TMEM132C: variants seen among roughly 807,000 people sequenced by gnomAD.
TMEM132C encodes the protein transmembrane protein 132C.
TMEM132C carries 29 observed loss-of-function variants against 61.4 expected under a neutral mutation model. The observed-to-expected ratio is 0.47, with a 90% CI of 0.35 to 0.64. The LOEUF (loss-of-function observed/expected upper bound fraction) is 0.64, where lower values mean the gene tolerates loss of function less well. Ranked by LOEUF, TMEM132C falls within the 30% of genes least tolerant of loss-of-function variation. The pLI is 0.00. For synonymous variants in TMEM132C, 656 were observed against 633.1 expected, an observed-to-expected ratio of 1.04 and a Z score of -0.54; for missense variants, 1,408 against 1,476.9, an observed-to-expected ratio of 0.95 and a Z score of 0.76.
chr12:128,557,461 C>G (rs983746892), intron 3 of TMEM132C, among the ~76,000 whole-genome samples: 1 of 152,236 alleles, frequency 6.6e-6, no homozygotes, highest in Non-Finnish European at 1.5e-5. Flanking sequence ...ACTCTGGCCT[C>G]TGACATAAAG....
At chr12:128,384,783 G>T (rs1485789418) in intron 1 of TMEM132C, among the ~76,000 whole-genome samples, 1 of 152,188 alleles carries the variant, frequency 6.6e-6, no homozygotes, top group Non-Finnish European at 1.5e-5. Context: ...TTAGTGAGGG[G>T]ACTTTACCTT....
rs1872876432 is a variant in TMEM132C, at chr12:128,339,117, G to C, written c.85+71630G>C. 3.9e-5 allele frequency among the ~76,000 whole-genome samples: 6 copies of C among 152,220 alleles called. No individual in the cohort carries two copies. In the South Asian group the frequency reaches 1.2e-3, roughly 32 times the overall value. ...TGCTGATTTTCTGAGCCTTGTTAGA[G>C]TGGGCGTCTGTGTTGGGGGCTGGGG... On this transcript the variant is annotated intron_variant, in intron 1 of 8. Coordinates refer to ENST00000435159, the MANE Select transcript of TMEM132C (RefSeq NM_001136103.3).
chr12:128,413,542 T>C (rs1414123493), intron 1 of TMEM132C, among the ~76,000 whole-genome samples: 3 of 151,876 alleles, frequency 2.0e-5, no homozygotes, highest in Admixed American at 6.6e-5. Context: ...TTATACTTGG[T>C]AATTTTTGTC....
intron 4 of TMEM132C, among the ~76,000 whole-genome samples, chr12:128,665,949 GCACACA>G (rs904729277): frequency 1.0e-5 from 1 of 98,758 alleles, no homozygotes; most frequent in Admixed American, 1.1e-4. Context: ...ACAAACACAG[GCACACA>G]CACACACACG....
chr12:128,290,290 T>C (rs1473360698), intron 1 of TMEM132C, among the ~76,000 whole-genome samples: 1 of 151,976 alleles, frequency 6.6e-6, no homozygotes, highest in African/African-American at 2.4e-5. Flanking sequence ...CTCAGGAAAC[T>C]TACAGTCATG....
rs545905496 is a variant in TMEM132C, at chr12:128,680,453, C to G, written c.1449+10893C>G. On this transcript the variant is annotated intron_variant, in intron 5 of 8. Coordinates refer to ENST00000435159, the MANE Select transcript of TMEM132C (RefSeq NM_001136103.3). ...ATATTAAGATTTACCCATAGCTGCG[C>G]TGCCCAGTATGACAGCTGCTAACCA... is the stretch of plus-strand genomic sequence containing the variant. Among the ~76,000 whole-genome samples, 4 of 152,334 alleles carry G rather than the reference C, an allele frequency of 2.6e-5. No individual in the cohort carries two copies. The South Asian group carries it at 6.2e-4, about 24-fold the overall frequency.
intron 4 of TMEM132C, among the ~76,000 whole-genome samples, chr12:128,643,471 A>G (rs759491262): frequency 4.6e-5 from 7 of 152,104 alleles, no homozygotes; most frequent in Non-Finnish European, 1.0e-4. Flanking sequence ...AACTTGGCTC[A>G]CCGAGAGCAG....
chr12:128,550,890 CTT>C (rs1874151152), intron 3 of TMEM132C, among the ~76,000 whole-genome samples: 1 of 152,238 alleles, frequency 6.6e-6, no homozygotes, highest in South Asian at 2.1e-4. Context: ...CTGGGATCCT[CTT>C]TGCTGATGAT....
chr12:128,440,803 CT>C (rs1869756422), intron 2 of TMEM132C, among the ~76,000 whole-genome samples: 1 of 152,188 alleles, frequency 6.6e-6, no homozygotes, highest in African/African-American at 2.4e-5. Context: ...AATCCCAGCA[CT>C]TTGGGAGGCT....
intron 4 of TMEM132C, among the ~76,000 whole-genome samples, chr12:128,651,586 C>T (rs1043462124): frequency 4.5e-4 from 69 of 152,260 alleles, no homozygotes; most frequent in African/African-American, 1.6e-3. Flanking sequence ...GGAGGAACAG[C>T]GACTGAGAGA....
At chr12:128,311,311 C>T (rs1295571022) in intron 1 of TMEM132C, among the ~76,000 whole-genome samples, 4 of 152,224 alleles carry the variant, frequency 2.6e-5, no homozygotes, top group Admixed American at 6.5e-5. Context: ...CACGCAGCCT[C>T]GCCTCACTTC....
At chr12:128,350,271 C>T (rs1482389530) in intron 1 of TMEM132C, among the ~76,000 whole-genome samples, 2 of 151,834 alleles carry the variant, frequency 1.3e-5, no homozygotes, top group Admixed American at 6.6e-5. Context: ...GCTGCTTTTG[C>T]GTTGAGGTGG....
intron 3 of TMEM132C, among the ~76,000 whole-genome samples, chr12:128,600,786 G>A (rs1298384087): frequency 6.6e-6 from 1 of 152,162 alleles, no homozygotes; most frequent in Non-Finnish European, 1.5e-5. Context: ...ACTGTGCCTG[G>A]CACAAATCTG....
chr12:128,426,724 A>G (rs182502808), intron 2 of TMEM132C, among the ~76,000 whole-genome samples: 2 of 152,066 alleles, frequency 1.3e-5, no homozygotes, highest in African/African-American at 4.8e-5. Flanking sequence ...CCCATAACAC[A>G]TCTGGGTTGC....
chr12:128,510,628 GCTTCCGTCCCA>G (rs1158842736), intron 2 of TMEM132C, among the ~76,000 whole-genome samples: 1 of 152,198 alleles, frequency 6.6e-6, no homozygotes, highest in Non-Finnish European at 1.5e-5. Flanking sequence ...AAGCTCTCTG[GCTTCCGTCCCA>G]CTTCCATCAG....
chr12:128,335,974 A>G (rs1872783289), intron 1 of TMEM132C, among the ~76,000 whole-genome samples: 1 of 152,222 alleles, frequency 6.6e-6, no homozygotes, highest in Non-Finnish European at 1.5e-5. Flanking sequence ...ACAGTCCTTT[A>G]TCCCAGCTCA....
In TMEM132C at chr12:128,622,358, AAAATATATATATATATATATATATAT is replaced by A. The variant is rs1298592542; in HGVS notation, c.1305+6025_1305+6050del. Among the ~76,000 whole-genome samples, 7 of 48,290 alleles carry A rather than the reference AAAATATATATATATATATATATATAT, an allele frequency of 1.4e-4. 1 individual carries two copies. The highest frequency in any genetic ancestry group is 0.011 in the Middle Eastern group (1 of 90). The allele number at this position is 48,290 out of a possible 152,430, so 31.7% of individuals were successfully genotyped here. On this transcript the variant is annotated intron_variant, in intron 4 of 8. Transcript: ENST00000435159. ...GACTTTGTCTCAAAAAAAAAAAAAA[AAAATATATATATATATATATATATAT>A]ATATATATATATATATAACCAGGAA...
At chr12:128,354,057 G>T (rs1226082828) in intron 1 of TMEM132C, among the ~76,000 whole-genome samples, 2 of 152,182 alleles carry the variant, frequency 1.3e-5, no homozygotes, top group Non-Finnish European at 2.9e-5. Context: ...TCTTGCCAGG[G>T]TGGCTTGAGT....
intron 1 of TMEM132C, among the ~76,000 whole-genome samples, chr12:128,281,022 G>A (rs1015144730): frequency 2.6e-5 from 4 of 152,164 alleles, no homozygotes; most frequent in Non-Finnish European, 2.9e-5. Context: ...CTTTGAGACT[G>A]TGATCAACAC....
Sources: gnomAD v4.1 joint callset for allele counts (sites outside exome capture counted in the v4.1 genomes callset) on GRCh38, gnomAD v4.1.1 for gene constraint, MANE v1.5 for transcripts, NCBI Gene and HGNC (gene_info 2026-07-23, HGNC 2026-07-21) for gene names.